Variants in MYOM1 observed in about 807,000 individuals in gnomAD.
MYOM1 encodes myomesin 1, also known as myomesin-1.
A neutral mutation model predicts 205.3 loss-of-function variants in MYOM1; 164 were observed. That is an observed-to-expected ratio of 0.80 (90% CI 0.70 to 0.91). The LOEUF is 0.91. Among genes scored for constraint, MYOM1 ranks in the 40% least tolerant of loss-of-function variants. MYOM1 has a pLI of 0.00. For missense variants in MYOM1, 2,011 were observed against 2,127.3 expected (o/e 0.95, Z 1.08); for synonymous variants, 772 against 789.4 (o/e 0.98, Z 0.37).
At chr18:3,153,928 C>A (rs1415361793) in intron 11 of MYOM1, among the ~76,000 whole-genome samples, 1 of 152,120 alleles carries the variant, frequency 6.6e-6, no homozygotes, top group African/African-American at 2.4e-5. Context: ...CTGTATCGTC[C>A]AAACTCATGT....
Position 3,218,558 on chromosome 18 carries a change from A to C in MYOM1, c.-29+1245T>G, listed in dbSNP as rs141085208. Among the ~76,000 whole-genome samples, 665 of 152,310 alleles carry C rather than the reference A, an allele frequency of 4.4e-3. 7 individuals carry two copies. The highest frequency in any genetic ancestry group is 0.014 in the South Asian group (66 of 4,830). ...ATAGATGGCTATTTTCTGTTACAAAATATGGAGGATAATTACCATGTATAA... is the reference window on the plus strand; with the variant it reads ...ATAGATGGCTATTTTCTGTTACAAACTATGGAGGATAATTACCATGTATAA... On this transcript the variant is annotated intron_variant, in intron 1 of 37. Transcript: ENST00000356443.
In MYOM1 at chr18:3,116,451, C is replaced by A. The variant is rs374873325; in HGVS notation, c.3183G>T (p.Pro1061=). 6 of 1,611,756 alleles carry A rather than the reference C, an allele frequency of 3.7e-6. No homozygotes were observed. The East Asian group carries it at 8.9e-5, about 24-fold the overall frequency. ...CCGGAGTCCGCCCGGAGTGGACTGG[C>A]GGCTTCCACTGGAGAACCAGTGAGT... ...RKDSLVLQWK[P]PVHSGRTPVT... The change falls in exon 21 of 38, where the codon CCG becomes CCT. Residue 1061 remains proline (P), a synonymous_variant. Transcript: ENST00000356443.
chr18:3,129,298 G>C lies in MYOM1; in HGVS notation c.2728C>G (p.Pro910Ala), dbSNP rs759774051. 14 of 1,613,864 alleles carry C rather than the reference G, an allele frequency of 8.7e-6. No individual in the cohort carries two copies. In the South Asian group the frequency reaches 1.5e-4, roughly 18 times the overall value. The change falls in exon 18 of 38, where the codon CCA becomes GCA. Residue 910 changes from proline (P) to alanine (A), a missense_variant. Physicochemically the swap from Pro to Ala is conservative, Grantham distance 27 (BLOSUM62 -1). Transcript: ENST00000356443. ...SETVQEELTP[P>A]PQKAAPQGKS... Reference sequence around the variant, plus strand: ...CCCTGAGGAGCCGCTTTCTGTGGTGGCGGGGTAAGCTCTTCCTGAACTGTT... The same window carrying C: ...CCCTGAGGAGCCGCTTTCTGTGGTGCCGGGGTAAGCTCTTCCTGAACTGTT...
the MYOM1 span, among the ~76,000 whole-genome samples, chr18:3,228,817 T>C: frequency 0.18 from 27,085 of 152,104 alleles, 2,617 homozygotes; most frequent in East Asian, 0.36. This position sits in a 1 kb window ranked among gnomAD's most constrained non-coding sequence, Gnocchi z 4.5. Flanking sequence ...CAGTTCAGCT[T>C]TTTCTAGAAA....
At chr18:3,242,838 A>G in the MYOM1 span, among the ~76,000 whole-genome samples, 1 of 152,134 alleles carries the variant, frequency 6.6e-6, no homozygotes, top group South Asian at 2.1e-4. Flanking sequence ...CAGAATGAAA[A>G]CAGACTAATA....
the MYOM1 span, chr18:3,247,357 G>A: frequency 6.6e-6 from 1 of 152,316 alleles, no homozygotes; most frequent in African/African-American, 2.4e-5. Context: ...CCCGCGCGGG[G>A]CGTCAAGCGC....
intron 10 of MYOM1, 140 bp downstream of exon 10, chr18:3,164,138 T>G: frequency 1.3e-4 from 113 of 885,344 alleles, no homozygotes; most frequent in Middle Eastern, 3.5e-4. Context: ...ATTACAGGCG[T>G]GAGACATTGC....
chr18:3,245,047 G>A, the MYOM1 span, among the ~76,000 whole-genome samples: 4 of 152,048 alleles, frequency 2.6e-5, no homozygotes, highest in Non-Finnish European at 5.9e-5. Flanking sequence ...CAGGATGAGG[G>A]CCTTCAATCG....
intron 25 of MYOM1, 95 bp from the exon 26 acceptor site, chr18:3,094,401 A>C: frequency 8.3e-7 from 1 of 1,211,654 alleles, no homozygotes; most frequent in East Asian, 2.6e-5. Flanking sequence ...AAAACCACAC[A>C]ATGGAAATGA....
At chr18:3,138,406 G>C (rs886380441) in intron 14 of MYOM1, among the ~76,000 whole-genome samples, 9 of 152,142 alleles carry the variant, frequency 5.9e-5, no homozygotes, top group African/African-American at 1.9e-4. Flanking sequence ...GGAGACAAAG[G>C]GATGGGATCT....
In MYOM1 at chr18:3,189,422, C is replaced by T. The variant is rs181838742; in HGVS notation, c.432-335G>A. On this transcript the variant is annotated intron_variant, in intron 3 of 37. Coordinates refer to ENST00000356443, the MANE Select transcript of MYOM1 (RefSeq NM_003803.4). The surrounding 1 kb of genome is among the most constrained non-coding windows in gnomAD (Gnocchi z 4.8). ...TTGCCCAGGCTGGAGTGCAGTGGTG[C>T]GATCTCAGCTCACTGCAACCTTGGC... Among the ~76,000 whole-genome samples the T allele has an allele frequency of 4.0e-3, 606 of 150,118 alleles. 4 individuals are homozygous for T. The highest frequency in any genetic ancestry group is 0.014 in the African/African-American group (578 of 40,894).
chr18:3,119,608 T>C (rs2079655287), intron 20 of MYOM1, among the ~76,000 whole-genome samples: 1 of 152,218 alleles, frequency 6.6e-6, no homozygotes, highest in Non-Finnish European at 1.5e-5. Flanking sequence ...CTGCCTGTGC[T>C]AATCCTACTC....
chr18:3,242,210 C>T, the MYOM1 span, among the ~76,000 whole-genome samples: 57 of 152,208 alleles, frequency 3.7e-4, no homozygotes, highest in East Asian at 2.1e-3. Flanking sequence ...TGGAAGGATA[C>T]GGCTTGGCTC....
At chr18:3,067,640 GC>G in intron 37 of MYOM1, 85 bp from the exon 38 acceptor site, 1 of 1,461,090 alleles carries the variant, frequency 6.8e-7, no homozygotes, top group East Asian at 2.3e-5. Context: ...TGGTGGCTTG[GC>G]ATGACCAAAG....
upstream of MYOM1, among the ~76,000 whole-genome samples, chr18:3,221,319 CTCTA>C (rs1256480404): frequency 6.6e-6 from 1 of 152,208 alleles, no homozygotes; most frequent in East Asian, 1.9e-4. Context: ...TGCACCCAGT[CTCTA>C]TCAAGATATT....
intron 37 of MYOM1, among the ~76,000 whole-genome samples, chr18:3,068,930 AT>A (rs966120035): frequency 4.0e-5 from 6 of 151,686 alleles, no homozygotes; most frequent in Middle Eastern, 3.4e-3. Flanking sequence ...TTTTTTCTTT[AT>A]TTTTTTTAAT....
chr18:3,141,509 C>T (rs949006387), intron 14 of MYOM1, among the ~76,000 whole-genome samples: 2 of 152,144 alleles, frequency 1.3e-5, no homozygotes, highest in South Asian at 2.1e-4. Flanking sequence ...AGAGTATTGC[C>T]CCTTCTCCGT....
Position 3,151,688 on chromosome 18 carries a change from G to A in MYOM1, c.1843+6C>T. 1 of 1,608,928 alleles carries A rather than the reference G, an allele frequency of 6.2e-7. No individual in the cohort carries two copies. The highest frequency in any genetic ancestry group is 8.5e-7 in the Non-Finnish European group (1 of 1,176,992). On this transcript the variant is annotated splice_donor_region_variant and intron_variant, in intron 12 of 37. Transcript: ENST00000356443. ...GGGAAGGTCCTGAAAAATGAAAAGT[G>A]CTTACTTTTAAGTCTAGCTTTCTCA...
intron 3 of MYOM1, chr18:3,190,553 T>C (rs927428209): frequency 6.6e-6 from 1 of 152,176 alleles, no homozygotes; most frequent in African/African-American, 2.4e-5. Context: ...TCTCCGTAAA[T>C]ATTAATAAGC....
Sources: gnomAD v4.1 joint callset for allele counts (sites outside exome capture counted in the v4.1 genomes callset) on GRCh38, gnomAD v4.1.1 for gene constraint, Gnocchi (gnomAD v3.1) non-coding constraint, MANE v1.5 for transcripts, NCBI Gene and HGNC (gene_info 2026-07-23, HGNC 2026-07-21) for gene names.